The following FBXL7 variants were observed in gnomAD, a reference collection of about 807,000 sequenced individuals.
FBXL7 encodes the protein F-box/LRR-repeat protein 7.
In FBXL7, 12 loss-of-function variants were observed where a neutral mutation model predicts 38.3. The ratio of observed to expected loss-of-function variants is 0.31; its 90% CI spans 0.20 to 0.51. The LOEUF (loss-of-function observed/expected upper bound fraction) is 0.51, where lower values mean the gene tolerates loss of function less well. Among genes scored for constraint, FBXL7 ranks in the 20% least tolerant of loss-of-function variants. The pLI is 0.98. For missense variants in FBXL7, 567 were observed against 676.4 expected, an observed-to-expected ratio of 0.84 and a Z score of 1.79; for synonymous variants, 297 against 300.9, an observed-to-expected ratio of 0.99 and a Z score of 0.13.
In FBXL7 at chr5:15,936,116, G is replaced by A. The variant is rs1009790451; in HGVS notation, c.740-334G>A. On this transcript the variant is annotated intron_variant, in intron 3 of 3. Transcript: ENST00000504595. This position sits in a 1 kb window ranked among gnomAD's most constrained non-coding sequence, Gnocchi z 6.0. ...ATCCCAGCTGCCTCCCAGGGAATGG[G>A]ATCCTCCCTATTTTAAGACAAAGGA... 6.6e-6 allele frequency among the ~76,000 whole-genome samples: 1 copy of A among 152,150 alleles called. No individual in the cohort carries two copies. The highest frequency in any genetic ancestry group is 2.4e-5 in the African/African-American group (1 of 41,426).
intron 2 of FBXL7, among the ~76,000 whole-genome samples, chr5:15,674,003 T>C (rs1202573602): frequency 6.6e-6 from 1 of 152,224 alleles, no homozygotes; most frequent in Non-Finnish European, 1.5e-5. Context: ...AATCACATTG[T>C]GTTCTACCGT....
intron 1 of FBXL7, among the ~76,000 whole-genome samples, chr5:15,595,602 A>G (rs1739604782): frequency 6.6e-6 from 1 of 152,230 alleles, no homozygotes; most frequent in African/African-American, 2.4e-5. Flanking sequence ...AGCACTTACT[A>G]TGTGCCAAGC....
intron 2 of FBXL7, among the ~76,000 whole-genome samples, chr5:15,632,881 A>T (rs1024787406): frequency 1.3e-5 from 2 of 152,190 alleles, no homozygotes; most frequent in African/African-American, 4.8e-5. Context: ...AGGGAGCAAG[A>T]GTTGAGAAAC....
intron 1 of FBXL7, among the ~76,000 whole-genome samples, chr5:15,596,128 C>T (rs1477059338): frequency 1.3e-5 from 2 of 152,158 alleles, no homozygotes; most frequent in East Asian, 1.9e-4. Flanking sequence ...GCACTCTTGT[C>T]TGTAAAATCA....
chr5:15,802,656 CTTT>C (rs796900921), intron 2 of FBXL7, among the ~76,000 whole-genome samples: 1 of 144,314 alleles, frequency 6.9e-6, no homozygotes, highest in Non-Finnish European at 1.5e-5. Context: ...CCACATCATC[CTTT>C]TTTTTTTTTT....
intron 2 of FBXL7, among the ~76,000 whole-genome samples, chr5:15,826,620 T>C (rs1039751163): frequency 5.3e-5 from 8 of 152,194 alleles, no homozygotes; most frequent in African/African-American, 1.9e-4. Context: ...GGTTTCACCA[T>C]GTTGGCCAGG....
intron 1 of FBXL7, among the ~76,000 whole-genome samples, chr5:15,504,486 G>T (rs1736591102): frequency 6.6e-6 from 1 of 152,094 alleles, no homozygotes; most frequent in Non-Finnish European, 1.5e-5. Context: ...ATAGATCAAA[G>T]GTATGTGTAA....
intron 1 of FBXL7, among the ~76,000 whole-genome samples, chr5:15,505,139 CAT>C (rs1736610487): frequency 6.6e-6 from 1 of 152,210 alleles, no homozygotes; most frequent in Non-Finnish European, 1.5e-5. Flanking sequence ...CCTCAGGAAA[CAT>C]ATCTTGAAAT....
At chr5:15,621,658 T>C (rs1740646799) in intron 2 of FBXL7, among the ~76,000 whole-genome samples, 1 of 152,196 alleles carries the variant, frequency 6.6e-6, no homozygotes, top group Non-Finnish European at 1.5e-5. Context: ...TGGCTCAGTC[T>C]TTTCTGGAGC....
chr5:15,837,106 A>G (rs1579506462), intron 2 of FBXL7, among the ~76,000 whole-genome samples: 1 of 152,220 alleles, frequency 6.6e-6, no homozygotes, highest in Non-Finnish European at 1.5e-5. Context: ...GATCCCTAAT[A>G]CTTTAGTGAC....
At chr5:15,563,788 A>G (rs1460424752) in intron 1 of FBXL7, among the ~76,000 whole-genome samples, 1 of 152,046 alleles carries the variant, frequency 6.6e-6, no homozygotes, top group East Asian at 1.9e-4. Context: ...CATCTAAGGT[A>G]CTTAGGGAAT....
chr5:15,938,895 A>G lies in FBXL7; in HGVS notation c.*1709A>G. 2.5e-6 allele frequency: 1 copy of G among 398,528 alleles called. No individual in the cohort carries two copies. The highest frequency in any genetic ancestry group is 4.4e-6 in the Non-Finnish European group (1 of 225,944). 24.7% of individuals were successfully genotyped at this position (398,528 alleles called of 1,614,324 possible). On this transcript the variant is annotated 3_prime_UTR_variant, in exon 4 of 4. Coordinates refer to ENST00000504595, the MANE Select transcript of FBXL7 (RefSeq NM_012304.5). ...ATGGCCCTTTCCCAGATTATTCTCT[A>G]GCCAAGCCCCACCTTTGTTACGTTG... is the stretch of plus-strand genomic sequence containing the variant.
At chr5:15,697,671 A>C (rs1486215471) in intron 2 of FBXL7, among the ~76,000 whole-genome samples, 2 of 152,102 alleles carry the variant, frequency 1.3e-5, no homozygotes, top group Non-Finnish European at 2.9e-5. Context: ...TTCTGCACAC[A>C]CAAGGCTTCA....
At position 15,708,683 on chromosome 5, in the gene FBXL7, T is replaced by C. The variant is rs1317496672; in HGVS notation, c.127+92611T>C. Reference sequence around the variant, plus strand: ...AAAATTCCTTTTTTTTGATTTTTCATTTAAGGGAACTTGAGCCAATAATCC... The same window carrying C: ...AAAATTCCTTTTTTTTGATTTTTCACTTAAGGGAACTTGAGCCAATAATCC... On this transcript the variant is annotated intron_variant, in intron 2 of 3. Coordinates refer to ENST00000504595, the MANE Select transcript of FBXL7 (RefSeq NM_012304.5). Among the ~76,000 whole-genome samples, 6 of 152,214 alleles carry C rather than the reference T, an allele frequency of 3.9e-5. No homozygotes were observed. In the East Asian group the frequency reaches 1.2e-3, roughly 29 times the overall value.
intron 2 of FBXL7, among the ~76,000 whole-genome samples, chr5:15,875,121 A>C (rs1462807830): frequency 6.6e-6 from 1 of 152,116 alleles, no homozygotes; most frequent in Non-Finnish European, 1.5e-5. Flanking sequence ...ACATCTACAC[A>C]CATCTGATCT....
At chr5:15,915,625 A>C (rs930717888) in intron 2 of FBXL7, among the ~76,000 whole-genome samples, 2 of 152,224 alleles carry the variant, frequency 1.3e-5, no homozygotes, top group Non-Finnish European at 2.9e-5. Context: ...TCACAGACAC[A>C]GGGCTGGTTA....
intron 2 of FBXL7, among the ~76,000 whole-genome samples, chr5:15,793,497 G>A (rs257780): frequency 0.54 from 81,434 of 151,960 alleles, 23,177 homozygotes; most frequent in Non-Finnish European, 0.64. Flanking sequence ...CTAGATGATC[G>A]TATTCCAAGA....
intron 2 of FBXL7, among the ~76,000 whole-genome samples, chr5:15,715,571 C>T (rs1561097207): frequency 6.6e-6 from 1 of 151,436 alleles, no homozygotes; most frequent in African/African-American, 2.4e-5. Context: ...ATATGTTACA[C>T]TTTGTGGGCC....
Position 15,500,605 on chromosome 5 carries a change from C to G in FBXL7, c.-72C>G. 1 of 1,606,554 alleles carries G rather than the reference C, an allele frequency of 6.2e-7. No individual in the cohort carries two copies. Among genetic ancestry groups the G allele is most frequent in the Non-Finnish European group, 8.5e-7 (1 of 1,173,630 alleles). On this transcript the variant is annotated 5_prime_UTR_variant, in exon 1 of 4. Coordinates refer to ENST00000504595, the MANE Select transcript of FBXL7 (RefSeq NM_012304.5). ...ACGGTCCCGTCGGGCGGGCTTTCCT[C>G]GGGCCGAGCGCGCAGGACGTGCGCC...
Sources: gnomAD v4.1 joint callset for allele counts (sites outside exome capture counted in the v4.1 genomes callset) on GRCh38, gnomAD v4.1.1 for gene constraint, Gnocchi (gnomAD v3.1) non-coding constraint, MANE v1.5 for transcripts, NCBI Gene and HGNC (gene_info 2026-07-23, HGNC 2026-07-21) for gene names.